ELMOD3: variants seen among roughly 807,000 people sequenced by gnomAD.
ELMOD3 encodes ELMO domain containing 3.
Under a neutral mutation model 47.4 loss-of-function variants are expected in ELMOD3, and 36 were observed. The observed-to-expected ratio is 0.76, with a 90% CI of 0.58 to 1.00. The LOEUF (loss-of-function observed/expected upper bound fraction) is 1.00. ELMOD3 is among the 50% of genes least tolerant of loss of function. The probability of loss-of-function intolerance (pLI) is 0.00; values close to 1 mark genes in which losing one functional copy is unlikely to be tolerated. For synonymous variants in ELMOD3, 149 were observed against 183.5 expected (o/e 0.81, Z 1.52); for missense variants, 404 against 463.8 (o/e 0.87, Z 1.18).
At chr2:85,363,293 C>T (rs1684118134) in intron 6 of ELMOD3, 127 bp downstream of exon 6, 2 of 629,986 alleles carry the variant, frequency 3.2e-6, no homozygotes, top group Non-Finnish European at 5.7e-6. Flanking sequence ...TGTATCAGTC[C>T]TTGGGGAAAA....
chr2:85,380,338 G>A lies in ELMOD3; in HGVS notation c.738+2864G>A, dbSNP rs370905333. ...AAAAACAAAACAAAGGATCAGCAAC[G>A]TTTTAAGCAAAAGGTCAAAAAAATT... On this transcript the variant is annotated intron_variant, in intron 11 of 13. Coordinates refer to ENST00000409013, the MANE Select transcript of ELMOD3 (RefSeq NM_001135022.2). Among the ~76,000 whole-genome samples the A allele has an allele frequency of 5.3e-5, 8 of 152,222 alleles. No individual in the cohort carries two copies. The South Asian group carries it at 6.2e-4, about 12-fold the overall frequency.
intron 11 of ELMOD3, among the ~76,000 whole-genome samples, chr2:85,381,944 C>T (rs1685567159): frequency 1.3e-5 from 2 of 150,970 alleles, no homozygotes; most frequent in African/African-American, 2.4e-5. Flanking sequence ...GGTGAAACCC[C>T]GTCTCTACTA....
intron 7 of ELMOD3, among the ~76,000 whole-genome samples, chr2:85,369,349 G>A (rs1386076187): frequency 6.6e-6 from 1 of 152,226 alleles, no homozygotes; most frequent in East Asian, 1.9e-4. Flanking sequence ...GTATGGTTGG[G>A]GGTTCCTATA....
intron 11 of ELMOD3, 65 bp downstream of exon 11, chr2:85,377,539 G>A (rs1237669599): frequency 6.5e-7 from 1 of 1,528,840 alleles, no homozygotes; most frequent in Non-Finnish European, 8.8e-7. Flanking sequence ...GAGTGGCCGA[G>A]AGGGCTCCCA....
At chr2:85,387,888 A>G (rs1289524026) in intron 11 of ELMOD3, among the ~76,000 whole-genome samples, 1 of 152,160 alleles carries the variant, frequency 6.6e-6, no homozygotes, top group Non-Finnish European at 1.5e-5. Context: ...GACAAATTCC[A>G]CAGGAAACCA....
chr2:85,371,146 G>C lies in ELMOD3; in HGVS notation c.421G>C (p.Gly141Arg). 1 of 1,614,200 alleles carries C rather than the reference G, an allele frequency of 6.2e-7. No homozygotes were observed. Among genetic ancestry groups the C allele is most frequent in the Non-Finnish European group, 8.5e-7 (1 of 1,180,038 alleles). ...GLAALRHYLF[G>R]PPKLHQRLRE... ...CGCCGCCCTCCGACACTACCTCTTC[G>C]GGCCTCCAAAGCTCCACCAGCGCCT... The change falls in exon 9 of 14, where the codon GGG becomes CGG. Residue 141 changes from glycine (G) to arginine (R), a missense_variant. Coordinates refer to ENST00000409013, the MANE Select transcript of ELMOD3 (RefSeq NM_001135022.2).
intron 11 of ELMOD3, among the ~76,000 whole-genome samples, chr2:85,380,108 T>C (rs1278111576): frequency 1.3e-5 from 2 of 152,236 alleles, no homozygotes; most frequent in Non-Finnish European, 2.9e-5. Context: ...GTTTCTCCAG[T>C]TGTGTCCTAT....
chr2:85,390,172 G>A lies in ELMOD3; in HGVS notation c.850G>A (p.Val284Met). The change falls in exon 13 of 14, where the codon GTG becomes ATG. Residue 284 changes from valine (V) to methionine (M), a missense_variant. Physicochemically the swap from Val to Met is conservative, Grantham distance 21 (BLOSUM62 1). Coordinates refer to ENST00000409013, the MANE Select transcript of ELMOD3 (RefSeq NM_001135022.2). ...TCGGCAGCAGAAGGTCATCCCCGTG[G>A]TGAACAGCTTCTATGCCGCCACATT... ...CNRQQKVIPV[V>M]NSFYAATFLH... The A allele has an allele frequency of 6.2e-7, 1 of 1,614,202 alleles. No homozygotes were observed. Among genetic ancestry groups the A allele is most frequent in the South Asian group, 1.1e-5 (1 of 91,086 alleles).
At chr2:85,378,270 C>T (rs1440392671) in intron 11 of ELMOD3, among the ~76,000 whole-genome samples, 1 of 152,114 alleles carries the variant, frequency 6.6e-6, no homozygotes, top group Non-Finnish European at 1.5e-5. Context: ...TGAAGAGGAA[C>T]GTCTACTTTA....
intron 10 of ELMOD3, chr2:85,372,520 A>G (rs1029545556): frequency 6.6e-6 from 1 of 152,230 alleles, no homozygotes; most frequent in African/African-American, 2.4e-5. Context: ...TGAAAATTTT[A>G]TCATATATTA....
At chr2:85,368,605 A>G in intron 6 of ELMOD3, 81 bp from the exon 7 acceptor site, 1 of 1,420,404 alleles carries the variant, frequency 7.0e-7, no homozygotes, top group Non-Finnish European at 9.9e-7. Context: ...GGCCCAAGGC[A>G]GGCAGACAAG....
At chr2:85,372,002 C>G (rs1684829042) in intron 10 of ELMOD3, 1 of 158,006 alleles carries the variant, frequency 6.3e-6, no homozygotes, top group African/African-American at 2.4e-5. Context: ...AAGCCCGTCT[C>G]TACTAAAAAT....
At chr2:85,367,517 G>A (rs1364925397) in intron 6 of ELMOD3, 1 of 152,170 alleles carries the variant, frequency 6.6e-6, no homozygotes, top group Non-Finnish European at 1.5e-5. Context: ...AATGTTCCTC[G>A]AGTTACATGA....
At chr2:85,382,301 T>C (rs1448894276) in intron 11 of ELMOD3, among the ~76,000 whole-genome samples, 1 of 148,768 alleles carries the variant, frequency 6.7e-6, no homozygotes, top group East Asian at 2.0e-4. Flanking sequence ...TAGCTGGGTG[T>C]GATGGTGGGT....
In ELMOD3 at chr2:85,390,740, C is replaced by G. The variant is rs1440758296; in HGVS notation, c.944-20C>G. The G allele has an allele frequency of 1.1e-5, 17 of 1,549,522 alleles. No individual in the cohort carries two copies. In the South Asian group the frequency reaches 1.9e-4, roughly 17 times the overall value. ...CAGAGCCCCCTCAAGCCTTCTGCTC[C>G]CCAATTCTCTCTGTTGCAGAGTTGG... On this transcript the variant is annotated intron_variant, in intron 13 of 13. Coordinates refer to ENST00000409013, the MANE Select transcript of ELMOD3 (RefSeq NM_001135022.2).
Position 85,390,787 on chromosome 2 carries a change from C to T in ELMOD3, c.971C>T (p.Pro324Leu). Residue 324 changes from proline to leucine, a missense_variant, in exon 14 of 14, where the codon CCA (proline) becomes CTA (leucine). Pro to Leu is a moderately conservative substitution (Grantham distance 98). Transcript: ENST00000409013. The part of the protein sequence containing the change: ...KELEVLAKKS[P>L]RRLLKTLELY... ...TTGGAAGTATTGGCCAAGAAGAGCCCACGGCGGCTGCTCAAGACCCTGGAG... is the reference window on the plus strand; with the variant it reads ...TTGGAAGTATTGGCCAAGAAGAGCCTACGGCGGCTGCTCAAGACCCTGGAG... The T allele has an allele frequency of 6.4e-7, 1 of 1,551,412 alleles. No homozygotes were observed. Among genetic ancestry groups the T allele is most frequent in the African/African-American group, 1.4e-5 (1 of 73,134 alleles).
In ELMOD3 at chr2:85,369,429, G is replaced by A. The variant is rs570558403; in HGVS notation, c.269-310G>A. On this transcript the variant is annotated intron_variant, in intron 7 of 13. Transcript: ENST00000409013. ...ACAAACTGGTTGCATGCTCTTATGT[G>A]GGTACCCACCCCAGGCAGTGACTTG... is the stretch of plus-strand genomic sequence containing the variant. 2.6e-5 allele frequency among the ~76,000 whole-genome samples: 4 copies of A among 152,298 alleles called. No individual in the cohort carries two copies. The South Asian group carries it at 6.2e-4, about 24-fold the overall frequency.
At chr2:85,367,916 CTT>C (rs1202869090) in intron 6 of ELMOD3, among the ~76,000 whole-genome samples, 24 of 141,220 alleles carry the variant, frequency 1.7e-4, no homozygotes, top group Non-Finnish European at 1.7e-4. Context: ...CTTTTCTTTT[CTT>C]TTTTTTTTTT....
intron 11 of ELMOD3, among the ~76,000 whole-genome samples, chr2:85,379,161 A>G (rs1236856155): frequency 3.3e-5 from 5 of 150,148 alleles, no homozygotes; most frequent in Non-Finnish European, 7.4e-5. Context: ...AGGAAAATGG[A>G]AAAAAAAAGG....
Sources: allele counts gnomAD v4.1 joint callset (sites outside exome capture counted in the v4.1 genomes callset), GRCh38; gene constraint gnomAD v4.1.1; transcripts MANE v1.5; gene names NCBI Gene and HGNC (gene_info 2026-07-23, HGNC 2026-07-21).